The following MINDY2 variants were observed in gnomAD, a reference collection of about 807,000 sequenced individuals.
MINDY2 encodes ubiquitin carboxyl-terminal hydrolase MINDY-2.
Under a neutral mutation model 68.2 loss-of-function variants are expected in MINDY2, and 52 were observed. The observed-to-expected ratio is 0.76, with a 90% CI of 0.61 to 0.96. MINDY2 has a LOEUF of 0.96. Among genes scored for constraint, MINDY2 ranks in the 40% least tolerant of loss-of-function variants. The pLI is 0.00. For synonymous variants in MINDY2, 372 were observed against 303.0 expected, an observed-to-expected ratio of 1.23 and a Z score of -2.36; for missense variants, 881 against 773.4, an observed-to-expected ratio of 1.14 and a Z score of -1.65.
rs1337509184 is a variant in MINDY2, at chr15:58,860,212, A to C, written c.*5602A>C. 6.6e-6 allele frequency: 1 copy of C among 152,198 alleles called. No homozygotes were observed. Among genetic ancestry groups the C allele is most frequent in the East Asian group, 1.9e-4 (1 of 5,206 alleles). 9.4% of individuals were successfully genotyped at this position (152,198 alleles called of 1,614,324 possible). A position where few individuals can be genotyped will look rare whatever the true frequency, so the allele number is the denominator to read the frequency against. On this transcript the variant is annotated 3_prime_UTR_variant, in exon 9 of 9. Coordinates refer to ENST00000559228, the MANE Select transcript of MINDY2 (RefSeq NM_001040450.3). ...TCATAAATTAGAGAAGGACAAAACA[A>C]AATGTTTTGGAAGGTGATCCTGGCT... is the stretch of plus-strand genomic sequence containing the variant.
chr15:58,809,754 G>C (rs1181984222), intron 3 of MINDY2, among the ~76,000 whole-genome samples: 1 of 152,158 alleles, frequency 6.6e-6, no homozygotes, highest in African/African-American at 2.4e-5. Flanking sequence ...TAGAATGTTA[G>C]TTGCATAAGA....
intron 1 of MINDY2, among the ~76,000 whole-genome samples, chr15:58,781,394 T>G (rs111689296): frequency 0.017 from 2,571 of 152,124 alleles, 63 homozygotes; most frequent in African/African-American, 0.052. Flanking sequence ...GCAACAACAT[T>G]CTTTATTGCT....
chr15:58,775,811 T>C (rs1249393761), intron 1 of MINDY2, among the ~76,000 whole-genome samples: 2 of 152,160 alleles, frequency 1.3e-5, no homozygotes, highest in African/African-American at 4.8e-5. Flanking sequence ...AATATAAATG[T>C]TCGTTATGCT....
At chr15:58,812,696 C>T (rs1389879587) in intron 4 of MINDY2, among the ~76,000 whole-genome samples, 1 of 151,984 alleles carries the variant, frequency 6.6e-6, no homozygotes, top group Non-Finnish European at 1.5e-5. Flanking sequence ...CTTATTTCTA[C>T]AAAAATAAAA....
intron 2 of MINDY2, among the ~76,000 whole-genome samples, chr15:58,794,358 G>GTGT (rs1902137993): frequency 1.4e-5 from 2 of 139,112 alleles, no homozygotes; most frequent in Admixed American, 7.3e-5. Flanking sequence ...TTTTTTTTGG[G>GTGT]GTGTGTGTGT....
At chr15:58,799,449 C>G (rs1567048578) in intron 2 of MINDY2, among the ~76,000 whole-genome samples, 1 of 151,976 alleles carries the variant, frequency 6.6e-6, no homozygotes, top group Admixed American at 6.6e-5. Context: ...TGCCTGTAGT[C>G]CCAGCTACTT....
chr15:58,844,620 A>G lies in MINDY2; in HGVS notation c.1369-2677A>G, dbSNP rs537165218. On this transcript the variant is annotated intron_variant, in intron 6 of 8. Coordinates refer to ENST00000559228, the MANE Select transcript of MINDY2 (RefSeq NM_001040450.3). ...ACAGTGAACCAGTTATAGTTTTTTT[A>G]AAAAAATAAACGTCAGGCCAGGCGC... is the stretch of plus-strand genomic sequence containing the variant. Among the ~76,000 whole-genome samples the G allele has an allele frequency of 7.9e-5, 12 of 151,248 alleles. No individual in the cohort carries two copies. The East Asian group carries it at 2.3e-3, about 29-fold the overall frequency.
At chr15:58,776,804 T>G (rs550601906) in intron 1 of MINDY2, among the ~76,000 whole-genome samples, 1 of 152,086 alleles carries the variant, frequency 6.6e-6, no homozygotes, top group Non-Finnish European at 1.5e-5. Flanking sequence ...GGAGGATCGC[T>G]TGAGCCCAGG....
chr15:58,804,386 T>A (rs2140960163), intron 3 of MINDY2, among the ~76,000 whole-genome samples: 1 of 152,338 alleles, frequency 6.6e-6, no homozygotes, highest in Admixed American at 6.5e-5. Flanking sequence ...ATGAAGCTAT[T>A]TTTATTAAAA....
At chr15:58,846,180 G>T (rs548936435) in intron 6 of MINDY2, among the ~76,000 whole-genome samples, 1 of 151,754 alleles carries the variant, frequency 6.6e-6, no homozygotes, top group South Asian at 2.1e-4. Flanking sequence ...TAATTTAATT[G>T]TACATTTTAA....
intron 4 of MINDY2, among the ~76,000 whole-genome samples, chr15:58,817,047 A>G (rs2030735736): frequency 6.6e-6 from 1 of 152,208 alleles, no homozygotes; most frequent in Admixed American, 6.5e-5. Flanking sequence ...ATATTATGAC[A>G]TCACTGTACG....
chr15:58,794,585 G>C (rs1239075297), intron 2 of MINDY2, among the ~76,000 whole-genome samples: 1 of 152,028 alleles, frequency 6.6e-6, no homozygotes, highest in Non-Finnish European at 1.5e-5. Context: ...TAGATAATGG[G>C]TAGAATTATC....
rs546269742 is a variant in MINDY2 at position 58,782,963 on chromosome 15, A to G, written c.841-4943A>G. Among the ~76,000 whole-genome samples, 4 of 105,290 alleles carry G rather than the reference A, an allele frequency of 3.8e-5. No homozygotes were observed. In the South Asian group the frequency reaches 1.4e-3, roughly 37 times the overall value. The allele number at this position is 105,290 out of a possible 152,430, so 69.1% of individuals were successfully genotyped here. ...GAGACAGAGTCTTGCTCTGTCACCC[A>G]GGCTGGAGTGCAGTGGCGTGATCTT... On this transcript the variant is annotated intron_variant, in intron 1 of 8. Coordinates refer to ENST00000559228, the MANE Select transcript of MINDY2 (RefSeq NM_001040450.3).
chr15:58,773,461 A>C (rs1014997809), intron 1 of MINDY2, among the ~76,000 whole-genome samples: 4 of 152,240 alleles, frequency 2.6e-5, no homozygotes, highest in Non-Finnish European at 5.9e-5. Flanking sequence ...GAGATGTTTT[A>C]AGTGAAGACA....
rs1184943251 is a variant in MINDY2 at position 58,847,400 on chromosome 15, CAG to C, written c.1474_1475del (p.Glu492IlefsTer10). 4 of 1,607,744 alleles carry C rather than the reference CAG, an allele frequency of 2.5e-6. No homozygotes were observed. The highest frequency in any genetic ancestry group is 1.7e-6 in the Non-Finnish European group (2 of 1,175,470). ...GATGGTGATGGAAATTTCTGTGACTCAGAATTTCATCTTCGACCTCCTTCAGA... is the reference window on the plus strand; with the variant it reads ...GATGGTGATGGAAATTTCTGTGACTCAATTTCATCTTCGACCTCCTTCAGA... On this transcript the variant is annotated frameshift_variant, in exon 7 of 9. Coordinates refer to ENST00000559228, the MANE Select transcript of MINDY2 (RefSeq NM_001040450.3). LOFTEE classifies it high-confidence loss of function.
At position 58,860,985 on chromosome 15, in the gene MINDY2, A is replaced by G. The variant is rs1376880814; in HGVS notation, c.*6375A>G. ...AGCTTGTTACAGATTCACACATTACAAGTAGGACAGTATAACAGGAGATTG... is the reference window on the plus strand; with the variant it reads ...AGCTTGTTACAGATTCACACATTACGAGTAGGACAGTATAACAGGAGATTG... On this transcript the variant is annotated 3_prime_UTR_variant, in exon 9 of 9. Transcript: ENST00000559228. 2 of 152,200 alleles carry G rather than the reference A, an allele frequency of 1.3e-5. No individual in the cohort carries two copies. Among genetic ancestry groups the G allele is most frequent in the Admixed American group, 1.3e-4 (2 of 15,280 alleles). The allele number at this position is 152,200 out of a possible 1,614,324, so 9.4% of individuals were successfully genotyped here.
chr15:58,854,527 G>A lies in MINDY2; in HGVS notation c.1783G>A (p.Gly595Arg), dbSNP rs201445495. The change falls in exon 9 of 9, where the codon GGG becomes AGG. Residue 595 changes from glycine (G) to arginine (R), a missense_variant. Gly to Arg is a moderately radical substitution (Grantham distance 125). Coordinates refer to ENST00000559228, the MANE Select transcript of MINDY2 (RefSeq NM_001040450.3). ...CTCTCCATCAAGTGGAAGACAATCT[G>A]GGAATAGTGAACGTAAACGGAAGGA... ...QASPSSGRQS[G>R]NSERKRKEPR... The A allele has an allele frequency of 2.5e-6, 4 of 1,613,758 alleles. No individual in the cohort carries two copies. The highest frequency in any genetic ancestry group is 3.4e-6 in the Non-Finnish European group (4 of 1,179,884).
intron 1 of MINDY2, among the ~76,000 whole-genome samples, chr15:58,776,048 C>T (rs1174067267): frequency 6.6e-6 from 1 of 152,022 alleles, no homozygotes; most frequent in African/African-American, 2.4e-5. Flanking sequence ...TTAGTACAGA[C>T]AGGGTTTCAC....
In MINDY2 at chr15:58,771,370, A is replaced by C. The variant is rs771764241; in HGVS notation, c.-26A>C. ...CTGCGGAGAAGTGGCCGCGGTCTCC[A>C]TAGAGCTGGGGGCGGGCGGCCCGGT... On this transcript the variant is annotated 5_prime_UTR_variant, in exon 1 of 9. Coordinates refer to ENST00000559228, the MANE Select transcript of MINDY2 (RefSeq NM_001040450.3). The C allele has an allele frequency of 6.3e-7, 1 of 1,588,980 alleles. No homozygotes were observed. Among genetic ancestry groups the C allele is most frequent in the African/African-American group, 1.3e-5 (1 of 74,542 alleles).
Sources: gnomAD v4.1 joint callset for allele counts (sites outside exome capture counted in the v4.1 genomes callset) on GRCh38, gnomAD v4.1.1 for gene constraint, MANE v1.5 for transcripts, NCBI Gene and HGNC (gene_info 2026-07-23, HGNC 2026-07-21) for gene names.